CNKSR3: variants seen among roughly 807,000 people sequenced by gnomAD.
The protein encoded by CNKSR3 is connector enhancer of kinase suppressor of ras 3.
Under a neutral mutation model 67.7 loss-of-function variants are expected in CNKSR3, and 36 were observed. The ratio of observed to expected loss-of-function variants is 0.53; its 90% CI spans 0.41 to 0.70. The LOEUF is 0.70. CNKSR3 is among the 30% of genes least tolerant of loss of function. The probability of loss-of-function intolerance (pLI) is 0.00; values close to 1 mark genes in which losing one functional copy is unlikely to be tolerated. For missense variants in CNKSR3, 630 were observed against 695.2 expected, an observed-to-expected ratio of 0.91 and a Z score of 1.05; for synonymous variants, 281 against 271.4, an observed-to-expected ratio of 1.04 and a Z score of -0.35.
chr6:154,466,554 G>A (rs574328650), intron 1 of CNKSR3, among the ~76,000 whole-genome samples: 1 of 152,232 alleles, frequency 6.6e-6, no homozygotes, highest in African/African-American at 2.4e-5. Flanking sequence ...GGGATGGGGG[G>A]ATGTGGGGAG....
At chr6:154,472,977 C>T (rs1034986687) in intron 1 of CNKSR3, among the ~76,000 whole-genome samples, 2 of 152,062 alleles carry the variant, frequency 1.3e-5, no homozygotes, top group Admixed American at 1.3e-4. Flanking sequence ...TTATGGAGGG[C>T]CTGCTGGTCA....
intron 1 of CNKSR3, among the ~76,000 whole-genome samples, chr6:154,495,350 T>G (rs1165304465): frequency 6.8e-6 from 1 of 147,746 alleles, no homozygotes; most frequent in Non-Finnish European, 1.5e-5. Flanking sequence ...TTCCCAGAAT[T>G]CAACACTTTT....
intron 4 of CNKSR3, among the ~76,000 whole-genome samples, chr6:154,437,271 C>A (rs565486853): frequency 3.9e-5 from 6 of 152,164 alleles, no homozygotes; most frequent in Admixed American, 1.3e-4. Context: ...TCCCCTGGCA[C>A]GTTCAATCTC....
At chr6:154,424,944 G>A (rs1785226053) in intron 7 of CNKSR3, among the ~76,000 whole-genome samples, 1 of 152,108 alleles carries the variant, frequency 6.6e-6, no homozygotes, top group Non-Finnish European at 1.5e-5. Context: ...GCTAATTTCT[G>A]TATTTTTAGC....
intron 1 of CNKSR3, among the ~76,000 whole-genome samples, chr6:154,505,338 G>C (rs533306163): frequency 1.3e-4 from 20 of 150,730 alleles, no homozygotes; most frequent in African/African-American, 3.6e-4. Context: ...CCGTGGCTTA[G>C]ACCTTGAGCA....
chr6:154,409,973 G>A (rs1185637582), intron 12 of CNKSR3, among the ~76,000 whole-genome samples: 2 of 152,056 alleles, frequency 1.3e-5, no homozygotes, highest in East Asian at 1.9e-4. Flanking sequence ...CTTGAGTCCA[G>A]GAGCTCAAGG....
At chr6:154,433,687 GT>G (rs1398426108) in intron 4 of CNKSR3, 180 bp from the exon 5 acceptor site, 58 of 573,540 alleles carry the variant, frequency 1.0e-4, no homozygotes, top group Admixed American at 2.0e-4. Context: ...CAGAGCTGAC[GT>G]TTGCACCTTC....
At chr6:154,457,029 A>C (rs1641496006) in intron 1 of CNKSR3, among the ~76,000 whole-genome samples, 1 of 152,172 alleles carries the variant, frequency 6.6e-6, no homozygotes, top group Admixed American at 6.5e-5. Context: ...AAAAACATTA[A>C]ATGGTAAAGA....
chr6:154,463,869 T>C (rs913308986), intron 1 of CNKSR3, among the ~76,000 whole-genome samples: 1 of 152,108 alleles, frequency 6.6e-6, no homozygotes, highest in African/African-American at 2.4e-5. Context: ...TGGCCCTGCG[T>C]TGCTATGATT....
rs1785177035 is a variant in CNKSR3 at position 154,422,973 on chromosome 6, T to C, written c.740A>G (p.Asp247Gly). 1.2e-6 allele frequency: 2 copies of C among 1,610,258 alleles called. No individual in the cohort carries two copies. The highest frequency in any genetic ancestry group is 2.2e-5 in the East Asian group (1 of 44,838). Reference protein sequence around the residue: ...ITGTTENSPADRSQKIHAGDE... With the variant: ...ITGTTENSPAGRSQKIHAGDE... ...ACCAGCATGAATCTTCTGAGATCTGTCTGCAGGAGACTGTACAGAAACAAA... is the reference window on the plus strand; with the variant it reads ...ACCAGCATGAATCTTCTGAGATCTGCCTGCAGGAGACTGTACAGAAACAAA... The change falls in exon 8 of 13, where the codon GAC (aspartate) becomes GGC (glycine). Residue 247 changes from aspartate (D) to glycine (G), a missense_variant. Physicochemically the swap from Asp to Gly is moderately conservative, Grantham distance 94 (BLOSUM62 -1). Transcript: ENST00000607772.
At chr6:154,433,602 A>T (rs972865630) in intron 4 of CNKSR3, 95 bp from the exon 5 acceptor site, 2 of 921,204 alleles carry the variant, frequency 2.2e-6, no homozygotes, top group Non-Finnish European at 3.5e-6. Flanking sequence ...CTGCAGCTCA[A>T]GACGGTCCCT....
rs565176695 is a variant in CNKSR3 at position 154,476,842 on chromosome 6, T to C, written c.53-26584A>G. Among the ~76,000 whole-genome samples the C allele has an allele frequency of 3.3e-5, 5 of 152,314 alleles. No homozygotes were observed. The East Asian group carries it at 7.7e-4, about 23-fold the overall frequency. ...TTTTAGAAAGGTTTCCATCCAAAAC[T>C]ACAGGGAAAAATTAAAAATATCCAG... On this transcript the variant is annotated intron_variant, in intron 1 of 12. Transcript: ENST00000607772.
rs1786294420 is a variant in CNKSR3, at chr6:154,470,183, CTTTCCTTTTTTTTTTTTTTT to C, written c.53-19945_53-19926del. 1.6e-4 allele frequency among the ~76,000 whole-genome samples: 17 copies of C among 108,302 alleles called. No homozygotes were observed. In the South Asian group the frequency reaches 5.5e-3, roughly 35 times the overall value. 71.1% of individuals were successfully genotyped at this position (108,302 alleles called of 152,430 possible). A position where few individuals can be genotyped will look rare whatever the true frequency, so the allele number is the denominator to read the frequency against. On this transcript the variant is annotated intron_variant, in intron 1 of 12. Coordinates refer to ENST00000607772, the MANE Select transcript of CNKSR3 (RefSeq NM_173515.4). ...ACTCCTGTAATAAAGAACCTACTTT[CTTTCCTTTTTTTTTTTTTTT>C]TTTTTTTTTTTTTTTGAGACAGGGT... is the stretch of plus-strand genomic sequence containing the variant.
At chr6:154,501,516 T>C (rs796683655) in intron 1 of CNKSR3, among the ~76,000 whole-genome samples, 4 of 152,224 alleles carry the variant, frequency 2.6e-5, no homozygotes, top group East Asian at 1.9e-4. Flanking sequence ...AACTTCCTTT[T>C]CTCAAACTCT....
At position 154,428,286 on chromosome 6, in the gene CNKSR3, C is replaced by T. The variant is rs182943355; in HGVS notation, c.670-99G>A. ...TATAAAACATTAACAACAGTCCCTT[C>T]AGAACAATACTCATTTTTCAGCCTC... On this transcript the variant is annotated intron_variant, in intron 6 of 12. Transcript: ENST00000607772. The T allele has an allele frequency of 3.1e-5, 23 of 750,398 alleles. No homozygotes were observed. The East Asian group carries it at 5.5e-4, about 18-fold the overall frequency. 46.5% of individuals were successfully genotyped at this position (750,398 alleles called of 1,614,324 possible).
chr6:154,408,244 C>T (rs932517227), intron 12 of CNKSR3, among the ~76,000 whole-genome samples: 3 of 152,126 alleles, frequency 2.0e-5, no homozygotes, highest in Non-Finnish European at 2.9e-5. Context: ...AGGCTGGTCT[C>T]GAACTGCTGA....
chr6:154,493,806 C>A (rs2114651827), intron 1 of CNKSR3, among the ~76,000 whole-genome samples: 1 of 152,238 alleles, frequency 6.6e-6, no homozygotes, highest in Admixed American at 6.5e-5. Flanking sequence ...TCAATCAGAT[C>A]TCTTGAGAAC....
At chr6:154,417,146 T>G (rs1785041334) in intron 9 of CNKSR3, among the ~76,000 whole-genome samples, 1 of 152,238 alleles carries the variant, frequency 6.6e-6, no homozygotes, top group Non-Finnish European at 1.5e-5. Context: ...TTTCTGACTT[T>G]CCAATTTTTG....
chr6:154,503,966 T>C (rs1245902755), intron 1 of CNKSR3, among the ~76,000 whole-genome samples: 1 of 152,158 alleles, frequency 6.6e-6, no homozygotes, highest in African/African-American at 2.4e-5. Flanking sequence ...TCTCTAATTG[T>C]GATGGGTGCA....
Sources: allele counts gnomAD v4.1 joint callset (sites outside exome capture counted in the v4.1 genomes callset), GRCh38; gene constraint gnomAD v4.1.1; transcripts MANE v1.5; gene names NCBI Gene and HGNC (gene_info 2026-07-23, HGNC 2026-07-21).